The following SLC12A3 variants were observed in gnomAD, a reference collection of about 807,000 sequenced individuals.
The protein encoded by SLC12A3 is Na-Cl cotransporter.
Under a neutral mutation model 121.0 loss-of-function variants are expected in SLC12A3, and 104 were observed. The observed-to-expected ratio is 0.86, with a 90% CI of 0.73 to 1.01. The LOEUF is 1.01. SLC12A3 is among the 50% of genes least tolerant of loss of function. SLC12A3 has a pLI of 0.00. For synonymous variants in SLC12A3, 536 were observed against 533.4 expected, an observed-to-expected ratio of 1.00 and a Z score of -0.07; for missense variants, 1,328 against 1,356.3, an observed-to-expected ratio of 0.98 and a Z score of 0.33.
chr16:56,898,063 T>G (rs1429275186), intron 22 of SLC12A3, among the ~76,000 whole-genome samples: 1 of 152,042 alleles, frequency 6.6e-6, no homozygotes, highest in Non-Finnish European at 1.5e-5. Context: ...TCCACCCCCC[T>G]GCACCCCGAT....
rs1349015865 is a variant in SLC12A3 at position 56,870,835 on chromosome 16, CTTTTCTTTTTT to C, written c.852+104_852+114del. ...CCCTGGTCCTCTGCCTTTTCTTTTTCTTTTCTTTTTTTTTTTTTGAGACAGAATCTCGCTCG... is the reference window on the plus strand; with the variant it reads ...CCCTGGTCCTCTGCCTTTTCTTTTTCTTTTTTTGAGACAGAATCTCGCTCG... On this transcript the variant is annotated intron_variant, in intron 6 of 25. Transcript: ENST00000563236. 1.1e-4 allele frequency: 73 copies of C among 667,858 alleles called. 1 individual carries two copies. Among genetic ancestry groups the C allele is most frequent in the Non-Finnish European group, 1.7e-4 (65 of 382,646 alleles). 41.4% of individuals were successfully genotyped at this position (667,858 alleles called of 1,614,324 possible).
At chr16:56,867,296 C>T in intron 2 of SLC12A3, 80 bp downstream of exon 2, 1 of 1,447,434 alleles carries the variant, frequency 6.9e-7, no homozygotes, top group South Asian at 1.2e-5. Flanking sequence ...AGCTCTGACT[C>T]TCAGGCCCTG....
rs550450825 is a variant in SLC12A3, at chr16:56,890,832, G to A, written c.2368+476G>A. 4.7e-4 allele frequency among the ~76,000 whole-genome samples: 72 copies of A among 151,596 alleles called. 2 individuals are homozygous for A. In the East Asian group the frequency reaches 0.013, roughly 27 times the overall value. On this transcript the variant is annotated intron_variant, in intron 19 of 25. Transcript: ENST00000563236. ...CAGGAGAATCACTTGAACCCAGGAG[G>A]TGGATGTTGCAGTGAGCCAAGATCG...
Position 56,886,426 on chromosome 16 carries a change from G to A in SLC12A3, c.1988G>A (p.Gly663Asp), listed in dbSNP as rs368629982. The A allele has an allele frequency of 5.4e-5, 87 of 1,614,080 alleles. 1 individual carries two copies. In the South Asian group the frequency reaches 9.3e-4, roughly 17 times the overall value. The change falls in exon 16 of 26, where the codon GGC becomes GAC. Residue 663 changes from glycine to aspartate, a missense_variant. Transcript: ENST00000563236. ...NFRPALVDFV[G>D]TFTRNLSLMI... ...CGCCCGGCCCTGGTGGACTTTGTGG[G>A]CACCTTCACCCGGAACCTCAGCCTG...
At position 56,880,169 on chromosome 16, in the gene SLC12A3, T is replaced by G; in HGVS notation, c.1483T>G (p.Phe495Val). ...EDQLYPLIGF[F>V]GKGYGKNKEP... ...CCAGCTGTACCCACTGATCGGCTTC[T>G]TCGGCAAAGGCTATGGCAAGAACAA... The change falls in exon 12 of 26, where the codon TTC becomes GTC. Residue 495 changes from phenylalanine (F) to valine (V), a missense_variant. Physicochemically the swap from Phe to Val is conservative, Grantham distance 50. Coordinates refer to ENST00000563236, the MANE Select transcript of SLC12A3 (RefSeq NM_001126108.2). 1 of 1,605,898 alleles carries G rather than the reference T, an allele frequency of 6.2e-7. No individual in the cohort carries two copies. The highest frequency in any genetic ancestry group is 8.5e-7 in the Non-Finnish European group (1 of 1,177,140).
chr16:56,889,597 C>T (rs1187297455), intron 18 of SLC12A3, among the ~76,000 whole-genome samples: 1 of 152,176 alleles, frequency 6.6e-6, no homozygotes, highest in African/African-American at 2.4e-5. Context: ...CCTCAGTCTC[C>T]CAAGTAGCTG....
chr16:56,891,655 C>A (rs760637136), intron 19 of SLC12A3, among the ~76,000 whole-genome samples: 1 of 152,222 alleles, frequency 6.6e-6, no homozygotes, highest in African/African-American at 2.4e-5. Context: ...GAGAAGCTGA[C>A]GCTCCAGAGG....
chr16:56,892,627 G>A (rs2055404341), intron 20 of SLC12A3, among the ~76,000 whole-genome samples: 1 of 152,104 alleles, frequency 6.6e-6, no homozygotes, highest in African/African-American at 2.4e-5. Context: ...GGGAGACAGG[G>A]GGCCTGAAGT....
chr16:56,908,594 C>T (rs1258571270), intron 25 of SLC12A3, among the ~76,000 whole-genome samples: 3 of 152,178 alleles, frequency 2.0e-5, no homozygotes, highest in South Asian at 2.1e-4. Context: ...AGGGACCCTC[C>T]GGAGCAGAAG....
intron 23 of SLC12A3, among the ~76,000 whole-genome samples, 189 bp downstream of exon 23, chr16:56,899,805 G>T (rs1487613902): frequency 6.6e-6 from 1 of 152,248 alleles, no homozygotes; most frequent in Non-Finnish European, 1.5e-5. Flanking sequence ...CTGGGGCTGA[G>T]GGGACCACAG....
At position 56,869,900 on chromosome 16, in the gene SLC12A3, C is replaced by T. The variant is rs1288908981; in HGVS notation, c.601+76C>T. 13 of 1,442,048 alleles carry T rather than the reference C, an allele frequency of 9.0e-6. No individual in the cohort carries two copies. In the Admixed American group the frequency reaches 2.2e-4, roughly 24 times the overall value. The allele number at this position is 1,442,048 out of a possible 1,614,324, so 89.3% of individuals were successfully genotyped here. ...CTGGGAACAGGACTCCCAACTTCCC[C>T]AACCCAATGGTACACCCAGCCGCTC... is the stretch of plus-strand genomic sequence containing the variant. On this transcript the variant is annotated intron_variant, in intron 4 of 25. Transcript: ENST00000563236.
chr16:56,865,986 C>CT (rs1181031579), intron 1 of SLC12A3, among the ~76,000 whole-genome samples: 1 of 94,970 alleles, frequency 1.1e-5, no homozygotes, highest in African/African-American at 4.7e-5. Flanking sequence ...CTTTTCTTTT[C>CT]TTTTCTTTTT....
intron 24 of SLC12A3, 107 bp downstream of exon 24, chr16:56,902,615 C>T (rs1301851927): frequency 2.2e-6 from 3 of 1,372,698 alleles, no homozygotes; most frequent in Non-Finnish European, 2.0e-6. Context: ...CTCCACCCTG[C>T]CTTCCACTCC....
chr16:56,892,184 A>G, intron 20 of SLC12A3, 51 bp downstream of exon 20: 1 of 1,581,368 alleles, frequency 6.3e-7, no homozygotes, highest in Non-Finnish European at 8.7e-7. Context: ...CTCAGAGCTC[A>G]GGGCACTCTA....
chr16:56,876,531 C>A (rs780935708), intron 8 of SLC12A3, among the ~76,000 whole-genome samples: 4 of 152,170 alleles, frequency 2.6e-5, no homozygotes, highest in African/African-American at 4.8e-5. Context: ...GAGACCGAGG[C>A]AGGGAGAAGA....
At chr16:56,866,719 A>G (rs1458022447) in intron 1 of SLC12A3, among the ~76,000 whole-genome samples, 2 of 151,998 alleles carry the variant, frequency 1.3e-5, no homozygotes, top group African/African-American at 4.8e-5. Context: ...AGATCCTCCT[A>G]TGTCAGCCTC....
chr16:56,900,665 G>A (rs1453933645), intron 23 of SLC12A3, among the ~76,000 whole-genome samples: 2 of 152,024 alleles, frequency 1.3e-5, no homozygotes, highest in African/African-American at 2.4e-5. Context: ...CAAGTAGCTG[G>A]GATTACAGGA....
intron 23 of SLC12A3, 57 bp from the exon 24 acceptor site, chr16:56,902,316 A>G (rs1305276702): frequency 5.0e-6 from 8 of 1,612,200 alleles, no homozygotes; most frequent in Non-Finnish European, 5.9e-6. Flanking sequence ...GGGACCTGGC[A>G]CCCCTAGAAA....
chr16:56,898,991 CAT>C (rs2055501817), intron 22 of SLC12A3, among the ~76,000 whole-genome samples: 1 of 152,192 alleles, frequency 6.6e-6, no homozygotes, highest in Admixed American at 6.5e-5. Context: ...GATGCGTAGA[CAT>C]GTGAAAATTT....
Sources: allele counts gnomAD v4.1 joint callset (sites outside exome capture counted in the v4.1 genomes callset), GRCh38; gene constraint gnomAD v4.1.1; transcripts MANE v1.5; gene names NCBI Gene and HGNC (gene_info 2026-07-23, HGNC 2026-07-21).